Variants in XYLT1 observed in about 807,000 individuals in gnomAD.
XYLT1 encodes the protein beta-D-xylosyltransferase 1.
A neutral mutation model predicts 91.3 loss-of-function variants in XYLT1; 36 were observed. The ratio of observed to expected loss-of-function variants is 0.39; its 90% CI spans 0.30 to 0.52. The LOEUF is 0.52. Among genes scored for constraint, XYLT1 ranks in the 20% least tolerant of loss-of-function variants. The pLI is 0.68. For synonymous variants in XYLT1, 588 were observed against 532.0 expected (o/e 1.11, Z -1.45); for missense variants, 1,242 against 1,284.5 (o/e 0.97, Z 0.51).
chr16:17,343,799 A>G (rs2141849269), intron 2 of XYLT1, among the ~76,000 whole-genome samples: 1 of 152,284 alleles, frequency 6.6e-6, no homozygotes, highest in Admixed American at 6.5e-5. Context: ...AAGAGGAATC[A>G]AGAGAGCGTT....
At chr16:17,304,448 C>T (rs985165889) in intron 2 of XYLT1, among the ~76,000 whole-genome samples, 2 of 148,032 alleles carry the variant, frequency 1.4e-5, no homozygotes, top group Admixed American at 1.4e-4. Context: ...ATGGTATAAG[C>T]ATGCTGCGAA....
At chr16:17,402,227 C>G (rs2035978710) in intron 1 of XYLT1, among the ~76,000 whole-genome samples, 1 of 151,426 alleles carries the variant, frequency 6.6e-6, no homozygotes, top group African/African-American at 2.4e-5. Context: ...GACTGAGGCA[C>G]AAGGGTCCCT....
At chr16:17,453,925 C>T (rs1258003369) in intron 1 of XYLT1, among the ~76,000 whole-genome samples, 1 of 152,204 alleles carries the variant, frequency 6.6e-6, no homozygotes, top group Non-Finnish European at 1.5e-5. Context: ...TGACATCGGG[C>T]TTGTTCCCAA....
At chr16:17,372,251 C>CT (rs1176173793) in intron 1 of XYLT1, among the ~76,000 whole-genome samples, 1 of 152,210 alleles carries the variant, frequency 6.6e-6, no homozygotes, top group Non-Finnish European at 1.5e-5. Context: ...CACATGCTAA[C>CT]TGTGTTTACA....
chr16:17,305,427 T>TG (rs1285936350), intron 2 of XYLT1, among the ~76,000 whole-genome samples: 1 of 151,286 alleles, frequency 6.6e-6, no homozygotes, highest in African/African-American at 2.4e-5. Context: ...CTTTTTTTTT[T>TG]TTTTTTGAGA....
At chr16:17,449,918 T>C (rs1053573709) in intron 1 of XYLT1, among the ~76,000 whole-genome samples, 2 of 152,216 alleles carry the variant, frequency 1.3e-5, no homozygotes, top group Admixed American at 1.3e-4. Flanking sequence ...TTCAGGCAAT[T>C]TCTGAAGGAA....
chr16:17,249,958 G>C (rs2141746678), intron 3 of XYLT1: 1 of 152,358 alleles, frequency 6.6e-6, no homozygotes, highest in Non-Finnish European at 1.5e-5. Flanking sequence ...TCACAGGCGT[G>C]AGCCACCACA....
chr16:17,377,263 A>G (rs1438323683), intron 1 of XYLT1, among the ~76,000 whole-genome samples: 1 of 151,580 alleles, frequency 6.6e-6, no homozygotes, highest in Non-Finnish European at 1.5e-5. Context: ...TAACTCACCC[A>G]AGATCCCCCA....
chr16:17,245,806 A>T (rs1052073711), intron 3 of XYLT1, among the ~76,000 whole-genome samples: 1 of 152,196 alleles, frequency 6.6e-6, no homozygotes, highest in Non-Finnish European at 1.5e-5. Context: ...TCATTTTTAC[A>T]CTAACACAAA....
At chr16:17,439,480 G>A (rs1239051290) in intron 1 of XYLT1, among the ~76,000 whole-genome samples, 2 of 152,116 alleles carry the variant, frequency 1.3e-5, no homozygotes, top group Non-Finnish European at 2.9e-5. Context: ...TGCCATATCT[G>A]CATGTATTGT....
At chr16:17,466,609 C>T (rs2141965336) in intron 1 of XYLT1, among the ~76,000 whole-genome samples, 2 of 152,242 alleles carry the variant, frequency 1.3e-5, no homozygotes, top group Admixed American at 1.3e-4. Flanking sequence ...GACCACCCAC[C>T]CTTCTGGAAG....
At chr16:17,407,007 A>G (rs996190745) in intron 1 of XYLT1, among the ~76,000 whole-genome samples, 2 of 151,844 alleles carry the variant, frequency 1.3e-5, no homozygotes, top group African/African-American at 4.8e-5. Context: ...TTATTTTTTA[A>G]TTTAATTTTT....
chr16:17,310,257 A>G (rs1400184037), intron 2 of XYLT1, among the ~76,000 whole-genome samples: 1 of 152,118 alleles, frequency 6.6e-6, no homozygotes, highest in Non-Finnish European at 1.5e-5. Context: ...ACCTTTGCAC[A>G]TGCCACTTCC....
chr16:17,134,508 C>T lies in XYLT1; in HGVS notation c.1992G>A (p.Glu664=). ...TCTCCCCATCCGTGTGCAGGGACGT[C>T]TCGGCCCGTCGAAGACCCAGGCGGG... ...SFARLGLRRA[E]TSLHTDGENS... Residue 664 remains glutamate (E), a synonymous_variant, in exon 9 of 12, where the codon GAG becomes GAA. Transcript: ENST00000261381. 6.2e-7 allele frequency: 1 copy of T among 1,614,196 alleles called. No homozygotes were observed. Among genetic ancestry groups the T allele is most frequent in the Non-Finnish European group, 8.5e-7 (1 of 1,180,044 alleles).
intron 5 of XYLT1, among the ~76,000 whole-genome samples, chr16:17,163,276 G>A (rs2031595926): frequency 6.6e-6 from 1 of 152,208 alleles, no homozygotes; most frequent in Admixed American, 6.5e-5. Flanking sequence ...GCACCATTGT[G>A]TGTGTGTCTT....
chr16:17,467,208 A>C (rs1302814121), intron 1 of XYLT1, among the ~76,000 whole-genome samples: 2 of 152,210 alleles, frequency 1.3e-5, no homozygotes, highest in African/African-American at 4.8e-5. Context: ...TCTTAAATGA[A>C]ACTTACTGAG....
At chr16:17,186,222 G>A (rs1293706319) in intron 5 of XYLT1, among the ~76,000 whole-genome samples, 1 of 152,074 alleles carries the variant, frequency 6.6e-6, no homozygotes, top group Non-Finnish European at 1.5e-5. Context: ...TCCTGCCTCA[G>A]CCTCCCGAGT....
chr16:17,273,031 G>A (rs377509508), intron 2 of XYLT1, among the ~76,000 whole-genome samples: 12 of 152,292 alleles, frequency 7.9e-5, no homozygotes, highest in Middle Eastern at 3.4e-3. Context: ...GGGAACACTC[G>A]TGGCTGGACA....
intron 1 of XYLT1, among the ~76,000 whole-genome samples, chr16:17,394,615 C>G (rs1277254211): frequency 6.6e-6 from 1 of 152,198 alleles, no homozygotes; most frequent in Non-Finnish European, 1.5e-5. Context: ...ATAAATAAAG[C>G]CACCACGCTT....
Sources: allele counts gnomAD v4.1 joint callset (sites outside exome capture counted in the v4.1 genomes callset), GRCh38; gene constraint gnomAD v4.1.1; transcripts MANE v1.5; gene names NCBI Gene and HGNC (gene_info 2026-07-23, HGNC 2026-07-21).